The following CMPK2 variants were observed in gnomAD, a reference collection of about 807,000 sequenced individuals.
CMPK2 encodes cytidine/uridine monophosphate kinase 2.
CMPK2 carries 32 observed loss-of-function variants against 33.4 expected under a neutral mutation model. That is an observed-to-expected ratio of 0.96 (90% CI 0.72 to 1.29). The LOEUF (loss-of-function observed/expected upper bound fraction) is 1.29. Ranked by LOEUF, CMPK2 falls within the 50% of genes most tolerant of loss-of-function variation. CMPK2 has a pLI of 0.00. For missense variants in CMPK2, 672 were observed against 616.0 expected, an observed-to-expected ratio of 1.09 and a Z score of -0.96; for synonymous variants, 299 against 275.3, an observed-to-expected ratio of 1.09 and a Z score of -0.85.
chr2:6,855,565 CA>C (rs1340878756), intron 3 of CMPK2, among the ~76,000 whole-genome samples: 2 of 152,100 alleles, frequency 1.3e-5, no homozygotes, highest in Admixed American at 6.5e-5. Flanking sequence ...GGCATGTTAA[CA>C]ATAGGGCAAA....
At chr2:6,865,969 T>G, upstream of CMPK2, 1 of 1,033,568 alleles carries the variant, frequency 9.7e-7, no homozygotes, top group Non-Finnish European at 1.3e-6. Flanking sequence ...GGTGCGCGGC[T>G]CCGCGGGCCT....
At position 6,865,374 on chromosome 2, in the gene CMPK2, TG is replaced by T; in HGVS notation, c.322del (p.Gln108SerfsTer161). ...GAGCAGCCTGAGCAGCTGGCACCGC[TG>T]GAAGGGGCCGCGGCGCAGCTGGTGC... ...LLHQLRRGPF[Q>X]RCQLLRLLCY... On this transcript the variant is annotated frameshift_variant, in exon 1 of 5. Transcript: ENST00000256722. LOFTEE classifies it high-confidence loss of function. 1.0e-5 allele frequency: 14 copies of T among 1,394,136 alleles called. No homozygotes were observed. Among genetic ancestry groups the T allele is most frequent in the Non-Finnish European group, 1.3e-5 (14 of 1,083,558 alleles). 86.4% of individuals were successfully genotyped at this position (1,394,136 alleles called of 1,614,324 possible).
intron 1 of CMPK2, among the ~76,000 whole-genome samples, chr2:6,864,049 C>T (rs1279949354): frequency 1.3e-5 from 2 of 152,240 alleles, no homozygotes; most frequent in Admixed American, 6.5e-5. Flanking sequence ...GGCAGAGCAG[C>T]GTCCCCCTGG....
chr2:6,843,734 C>G (rs2103213133), downstream of CMPK2, among the ~76,000 whole-genome samples: 1 of 152,262 alleles, frequency 6.6e-6, no homozygotes, highest in Non-Finnish European at 1.5e-5. Flanking sequence ...AATAGCAATT[C>G]CCCCCTACTA....
At position 6,865,022 on chromosome 2, in the gene CMPK2, C is replaced by G; in HGVS notation, c.675G>C (p.Glu225Asp). ...DREAARAVLE[E>D]CTSFIPEARA... is the part of the protein sequence containing the mutation. ...AGCTGGAAGCGGACAGAACTCTTAC[C>G]TCCTCCAAAACGGCCCGGGCGGCTT... The change falls in exon 1 of 5, where the codon GAG (glutamate) becomes GAC (aspartate). Residue 225 changes from glutamate to aspartate, a missense_variant and splice_region_variant. Coordinates refer to ENST00000256722, the MANE Select transcript of CMPK2 (RefSeq NM_207315.4). The G allele has an allele frequency of 7.0e-7, 1 of 1,424,588 alleles. No individual in the cohort carries two copies. Among genetic ancestry groups the G allele is most frequent in the Non-Finnish European group, 9.2e-7 (1 of 1,086,756 alleles). 88.2% of individuals were successfully genotyped at this position (1,424,588 alleles called of 1,614,324 possible).
intron 3 of CMPK2, among the ~76,000 whole-genome samples, chr2:6,842,617 G>A (rs1467954037): frequency 2.0e-5 from 3 of 152,172 alleles, no homozygotes; most frequent in African/African-American, 7.2e-5. Context: ...CCCTCCCTAT[G>A]GAAAGACTGA....
rs760365617 is a variant in CMPK2 at position 6,863,477 on chromosome 2, T to C, written c.777A>G (p.Gly259=). 13 of 1,613,880 alleles carry C rather than the reference T, an allele frequency of 8.1e-6. No individual in the cohort carries two copies. The East Asian group carries it at 2.7e-4, about 33-fold the overall frequency. The change falls in exon 2 of 5, where the codon GGA becomes GGG. Residue 259 remains glycine (G), a synonymous_variant. Transcript: ENST00000256722. ...ATATTATCTTACCCGTGGCATCCAG[T>C]CCTTCGATGGCAACAACCTGGAACT... is the stretch of plus-strand genomic sequence containing the variant. ...KGKFQVVAIE[G]LDATGKTTVT...
rs771945856 is a variant in CMPK2, at chr2:6,849,459, G to A, written c.*391C>T. 2.0e-4 allele frequency: 203 copies of A among 1,017,202 alleles called. No individual in the cohort carries two copies. Among genetic ancestry groups the A allele is most frequent in the Non-Finnish European group, 2.4e-4 (202 of 851,088 alleles). 63.0% of individuals were successfully genotyped at this position (1,017,202 alleles called of 1,614,324 possible). A position where few individuals can be genotyped will look rare whatever the true frequency, so the allele number is the denominator to read the frequency against. The stretch of plus-strand genomic sequence containing the variant: ...ACGATCTCATCAGCATGCCAGTGTA[G>A]GAGAAGCAGAGGCTCCGGGGTCTCC... On this transcript the variant is annotated 3_prime_UTR_variant, in exon 5 of 5. Transcript: ENST00000256722.
Position 6,851,539 on chromosome 2 carries a change from A to G in CMPK2, c.1137T>C (p.Pro379=), listed in dbSNP as rs1381429898. The change falls in exon 4 of 5, where the codon CCT becomes CCC. Residue 379 remains proline (P), a synonymous_variant. Coordinates refer to ENST00000256722, the MANE Select transcript of CMPK2 (RefSeq NM_207315.4). ...PDLILLLTVS[P]EERLQRLQGR... ...CCTGCAGCCTCTGCAACCTCTCCTC[A>G]GGACTCACAGTGAGCAGCAGGATAA... is the stretch of plus-strand genomic sequence containing the variant. 6.2e-7 allele frequency: 1 copy of G among 1,614,182 alleles called. No individual in the cohort carries two copies. Among genetic ancestry groups the G allele is most frequent in the Non-Finnish European group, 8.5e-7 (1 of 1,180,032 alleles).
Position 6,849,923 on chromosome 2 carries a change from T to A in CMPK2, c.1277A>T (p.Asp426Val), listed in dbSNP as rs762375602. ...RMENPGCHVV[D>V]ASPSREKVLQ... ...GACCTTTTCTCTGGAGGGGCTGGCA[T>A]CAACCACATGGCAGCCAGGATTCTC... Residue 426 changes from aspartate to valine, a missense_variant, in exon 5 of 5, where the codon GAT (aspartate) becomes GTT (valine). By Grantham distance (152) the Asp-to-Val change is radical. Transcript: ENST00000256722. 6.2e-7 allele frequency: 1 copy of A among 1,614,050 alleles called. No individual in the cohort carries two copies. Among genetic ancestry groups the A allele is most frequent in the Non-Finnish European group, 8.5e-7 (1 of 1,180,032 alleles).
At chr2:6,866,000 C>G, upstream of CMPK2, 3 of 663,962 alleles carry the variant, frequency 4.5e-6, no homozygotes, top group Non-Finnish European at 6.5e-6. Context: ...CAGGCGCCGG[C>G]TCCCGGGGCT....
rs1343798222 is a variant in CMPK2, at chr2:6,865,276, C to A, written c.421G>T (p.Asp141Tyr). The A allele has an allele frequency of 1.3e-6, 2 of 1,533,142 alleles. No individual in the cohort carries two copies. Among genetic ancestry groups the A allele is most frequent in the Non-Finnish European group, 1.7e-6 (2 of 1,148,254 alleles). 95.0% of individuals were successfully genotyped at this position (1,533,142 alleles called of 1,614,324 possible). A position where few individuals can be genotyped will look rare whatever the true frequency, so the allele number is the denominator to read the frequency against. ...AGCTCGAGCAGCGCTTGCCGGGTGT[C>A]AGGGTCATCCAGGGGGTCGCGCAGC... The part of the protein sequence containing the change: ...FLLRDPLDDP[D>Y]TRQALLELLG... Residue 141 changes from aspartate to tyrosine, a missense_variant, in exon 1 of 5, where the codon GAC becomes TAC. Physicochemically the swap from Asp to Tyr is radical, Grantham distance 160 (BLOSUM62 -3). Coordinates refer to ENST00000256722, the MANE Select transcript of CMPK2 (RefSeq NM_207315.4).
Position 6,865,674 on chromosome 2 carries a change from A to G in CMPK2, c.23T>C (p.Leu8Pro). Residue 8 changes from leucine (L) to proline (P), a missense_variant, in exon 1 of 5, where the codon CTG becomes CCG. Physicochemically the swap from Leu to Pro is moderately conservative, Grantham distance 98 (BLOSUM62 -3). Coordinates refer to ENST00000256722, the MANE Select transcript of CMPK2 (RefSeq NM_207315.4). The stretch of plus-strand genomic sequence containing the variant: ...CAGCGGCCCCGACAGTGGCCCGCGC[A>G]GGAGCCGGCGGGCGAAGGCCATGGG... MAFARRLLRGPLSGPLLG... is the reference protein window; with the variant it reads MAFARRLPRGPLSGPLLG... 1.5e-6 allele frequency: 2 copies of G among 1,304,178 alleles called. No individual in the cohort carries two copies. The highest frequency in any genetic ancestry group is 1.9e-6 in the Non-Finnish European group (2 of 1,034,156). The allele number at this position is 1,304,178 out of a possible 1,614,324, so 80.8% of individuals were successfully genotyped here.
intron 3 of CMPK2, among the ~76,000 whole-genome samples, chr2:6,853,026 T>G (rs976659254): frequency 3.3e-5 from 5 of 152,350 alleles, no homozygotes; most frequent in African/African-American, 1.2e-4. Context: ...CTCAGCTCAC[T>G]GCAACCTTTG....
At chr2:6,841,536 C>A (rs1199147863) in intron 3 of CMPK2, among the ~76,000 whole-genome samples, 1 of 152,170 alleles carries the variant, frequency 6.6e-6, no homozygotes, top group African/African-American at 2.4e-5. Flanking sequence ...ATCTTAAGAA[C>A]TTTCCACTGA....
chr2:6,843,757 T>C (rs912014868), downstream of CMPK2, among the ~76,000 whole-genome samples: 2 of 152,184 alleles, frequency 1.3e-5, no homozygotes, highest in Non-Finnish European at 2.9e-5. Context: ...ACCGAGGGGC[T>C]ATGAAAAATA....
intron 3 of CMPK2, 92 bp from the exon 4 acceptor site, chr2:6,851,775 T>G: frequency 1.7e-6 from 2 of 1,201,436 alleles, no homozygotes; most frequent in Non-Finnish European, 2.3e-6. Context: ...AAACCAGGGT[T>G]GGCTCTACAG....
intron 3 of CMPK2, among the ~76,000 whole-genome samples, chr2:6,856,031 C>G (rs991848896): frequency 3.2e-4 from 49 of 152,150 alleles, no homozygotes; most frequent in African/African-American, 1.1e-3. Flanking sequence ...CTGTTAGTCA[C>G]AGGGAATTGG....
At chr2:6,840,750 A>T in intron 3 of CMPK2, 2 of 688,558 alleles carry the variant, frequency 2.9e-6, no homozygotes, top group Non-Finnish European at 5.3e-6. Flanking sequence ...AGGTGGCCCT[A>T]GTTCTTGGGG....
Sources: gnomAD v4.1 joint callset for allele counts (sites outside exome capture counted in the v4.1 genomes callset) on GRCh38, gnomAD v4.1.1 for gene constraint, MANE v1.5 for transcripts, NCBI Gene and HGNC (gene_info 2026-07-23, HGNC 2026-07-21) for gene names.